The following CCDC18 variants were observed in gnomAD, a reference collection of about 807,000 sequenced individuals.
CCDC18 encodes the protein coiled-coil domain-containing protein 18.
CCDC18 carries 157 observed loss-of-function variants against 196.0 expected under a neutral mutation model. The observed-to-expected ratio is 0.80, with a 90% CI of 0.70 to 0.91. The LOEUF is 0.91. Ranked by LOEUF, CCDC18 falls within the 40% of genes least tolerant of loss-of-function variation. CCDC18 has a pLI of 0.00. For missense variants in CCDC18, 1,465 were observed against 1,611.6 expected, an observed-to-expected ratio of 0.91 and a Z score of 1.56; for synonymous variants, 482 against 529.2, an observed-to-expected ratio of 0.91 and a Z score of 1.22.
chr1:93,263,422 C>G (rs1267281452), intron 26 of CCDC18, among the ~76,000 whole-genome samples: 2 of 152,102 alleles, frequency 1.3e-5, no homozygotes, highest in Non-Finnish European at 2.9e-5. Context: ...TCACAAAAGC[C>G]AGATCACCTC....
chr1:93,254,357 T>C (rs1662663129), intron 23 of CCDC18, 114 bp from the exon 24 acceptor site: 1 of 721,680 alleles, frequency 1.4e-6, no homozygotes, highest in Non-Finnish European at 2.2e-6. Flanking sequence ...CCTTAACCTA[T>C]TTATATTTTG....
chr1:93,236,163 T>A lies in CCDC18; in HGVS notation c.2461-85T>A, dbSNP rs575973543. 1.9e-5 allele frequency: 21 copies of A among 1,111,340 alleles called. No homozygotes were observed. The East Asian group carries it at 5.2e-4, about 28-fold the overall frequency. The allele number at this position is 1,111,340 out of a possible 1,614,324, so 68.8% of individuals were successfully genotyped here. ...TCTATATGTTGATTTTTATGATACATCTTGAAACTGATAAGCTAGGTTACA... is the reference window on the plus strand; with the variant it reads ...TCTATATGTTGATTTTTATGATACAACTTGAAACTGATAAGCTAGGTTACA... On this transcript the variant is annotated intron_variant, in intron 18 of 28. Transcript: ENST00000690025.
intron 3 of CCDC18, among the ~76,000 whole-genome samples, 169 bp downstream of exon 3, chr1:93,184,315 A>G (rs952847682): frequency 2.0e-5 from 3 of 151,890 alleles, no homozygotes; most frequent in Admixed American, 6.6e-5. Flanking sequence ...GAATTTAAAT[A>G]TAATTGTTCT....
At chr1:93,186,243 G>C in intron 3 of CCDC18, 102 bp from the exon 4 acceptor site, 1 of 1,076,790 alleles carries the variant, frequency 9.3e-7, no homozygotes, top group Non-Finnish European at 1.4e-6. Context: ...TTTCTGAGCT[G>C]CTTCGTCATT....
chr1:93,252,251 A>T lies in CCDC18; in HGVS notation c.3199-2220A>T, dbSNP rs181321898. Among the ~76,000 whole-genome samples the T allele has an allele frequency of 2.2e-4, 33 of 152,278 alleles. 1 individual carries two copies. The highest frequency in any genetic ancestry group is 1.9e-3 in the Admixed American group (29 of 15,284). On this transcript the variant is annotated intron_variant, in intron 23 of 28. Coordinates refer to ENST00000690025, the MANE Select transcript of CCDC18 (RefSeq NM_001378204.1). ...GTGATGGAGTTTCACTATGTGACTC[A>T]GTCTGGTCTCAAACTCCTGGGCTCA...
chr1:93,263,473 A>G (rs1255734201), intron 26 of CCDC18, among the ~76,000 whole-genome samples: 1 of 152,084 alleles, frequency 6.6e-6, no homozygotes, highest in Non-Finnish European at 1.5e-5. Flanking sequence ...ACCCTAAATC[A>G]TCTCTCTCAA....
In CCDC18 at chr1:93,278,521, A is replaced by T. The variant is rs1280324766; in HGVS notation, c.*44A>T. On this transcript the variant is annotated 3_prime_UTR_variant, in exon 29 of 29. Transcript: ENST00000690025. ...GTGTTGAAAAAATGGAATTTTTGGTACTGTGCTGTTTACTTATTATATGTA... is the reference window on the plus strand; with the variant it reads ...GTGTTGAAAAAATGGAATTTTTGGTTCTGTGCTGTTTACTTATTATATGTA... 5.8e-6 allele frequency: 7 copies of T among 1,203,918 alleles called. No homozygotes were observed. The highest frequency in any genetic ancestry group is 7.9e-6 in the Non-Finnish European group (7 of 886,120). The allele number at this position is 1,203,918 out of a possible 1,614,324, so 74.6% of individuals were successfully genotyped here. A position where few individuals can be genotyped will look rare whatever the true frequency, so the allele number is the denominator to read the frequency against.
intron 11 of CCDC18, among the ~76,000 whole-genome samples, chr1:93,213,077 T>C (rs924371133): frequency 5.3e-5 from 8 of 152,148 alleles, no homozygotes; most frequent in African/African-American, 1.9e-4. Flanking sequence ...ATGCTGCCGC[T>C]AATCTGACAG....
chr1:93,239,951 TA>T (rs1300200654), intron 21 of CCDC18, 55 bp downstream of exon 21: 2 of 1,198,786 alleles, frequency 1.7e-6, no homozygotes, highest in Middle Eastern at 2.9e-4. Context: ...GATAATACAA[TA>T]AAATATGTTG....
At chr1:93,218,482 G>T (rs1003481167) in intron 14 of CCDC18, among the ~76,000 whole-genome samples, 6 of 151,914 alleles carry the variant, frequency 3.9e-5, no homozygotes, top group African/African-American at 1.5e-4. Flanking sequence ...ATAAAAGTGT[G>T]TTCTCTCTCT....
At chr1:93,269,720 T>A (rs1408784430) in intron 27 of CCDC18, 1 of 152,156 alleles carries the variant, frequency 6.6e-6, no homozygotes, top group Non-Finnish European at 1.5e-5. Context: ...CATCTCTTTT[T>A]TTAGGCTTTT....
At chr1:93,244,223 A>T (rs1259774117) in intron 21 of CCDC18, among the ~76,000 whole-genome samples, 1 of 152,168 alleles carries the variant, frequency 6.6e-6, no homozygotes, top group African/African-American at 2.4e-5. Flanking sequence ...ATCAGATCTC[A>T]TGAGACTTAT....
chr1:93,236,526 G>A, intron 19 of CCDC18, 136 bp downstream of exon 19: 1 of 805,846 alleles, frequency 1.2e-6, no homozygotes, highest in Non-Finnish European at 1.9e-6. Flanking sequence ...ATTGCATTTT[G>A]TTTGTATTTC....
At chr1:93,274,020 T>C (rs982956793) in intron 28 of CCDC18, among the ~76,000 whole-genome samples, 3 of 152,238 alleles carry the variant, frequency 2.0e-5, no homozygotes, top group South Asian at 4.1e-4. Context: ...TTAACCACTA[T>C]ATATAATCTT....
chr1:93,265,059 T>G (rs1328766046), intron 27 of CCDC18, 158 bp downstream of exon 27: 2 of 581,808 alleles, frequency 3.4e-6, no homozygotes, highest in Non-Finnish European at 6.2e-6. Context: ...TAGGAAATTA[T>G]TAAGATGATG....
chr1:93,181,452 A>G (rs1447588548), intron 1 of CCDC18, among the ~76,000 whole-genome samples: 1 of 152,160 alleles, frequency 6.6e-6, no homozygotes, highest in African/African-American at 2.4e-5. Flanking sequence ...GGTGAGTAGG[A>G]TGATGTGCTT....
At chr1:93,220,162 A>G (rs1657170572) in intron 14 of CCDC18, among the ~76,000 whole-genome samples, 1 of 152,242 alleles carries the variant, frequency 6.6e-6, no homozygotes, top group African/African-American at 2.4e-5. Context: ...CACTGCATAT[A>G]AGGGAACAAA....
chr1:93,250,456 T>C (rs923672821), intron 23 of CCDC18, among the ~76,000 whole-genome samples: 4 of 151,536 alleles, frequency 2.6e-5, no homozygotes, highest in African/African-American at 7.3e-5. Context: ...GTTCTGTAAA[T>C]GTCAGTCACA....
At chr1:93,251,417 G>GGACT (rs1557691213) in intron 23 of CCDC18, among the ~76,000 whole-genome samples, 2 of 151,932 alleles carry the variant, frequency 1.3e-5, no homozygotes, top group African/African-American at 4.8e-5. Context: ...CATTAGTGGC[G>GGACT]GTTTTTCTTT....
Sources: gnomAD v4.1 joint callset for allele counts (sites outside exome capture counted in the v4.1 genomes callset) on GRCh38, gnomAD v4.1.1 for gene constraint, MANE v1.5 for transcripts, NCBI Gene and HGNC (gene_info 2026-07-23, HGNC 2026-07-21) for gene names.